Variants in TMPRSS4 observed in about 807,000 individuals in gnomAD.
TMPRSS4 encodes transmembrane serine protease 4, also known as transmembrane protease serine 4.
A neutral mutation model predicts 56.4 loss-of-function variants in TMPRSS4; 45 were observed. That is an observed-to-expected ratio of 0.80 (90% CI 0.63 to 1.02). The LOEUF (loss-of-function observed/expected upper bound fraction) is 1.02, where lower values mean the gene tolerates loss of function less well. Ranked by LOEUF, TMPRSS4 falls within the 50% of genes least tolerant of loss-of-function variation. The pLI, the probability that TMPRSS4 is intolerant of heterozygous loss-of-function variation, is 0.00. For missense variants in TMPRSS4, 546 were observed against 556.7 expected (o/e 0.98, Z 0.19); for synonymous variants, 205 against 211.0 (o/e 0.97, Z 0.25).
chr11:118,097,078 A>C (rs1349535594), intron 2 of TMPRSS4, among the ~76,000 whole-genome samples: 4 of 151,988 alleles, frequency 2.6e-5, no homozygotes, highest in African/African-American at 9.7e-5. Flanking sequence ...AGGTAGTAGA[A>C]GGGACGTACT....
intron 2 of TMPRSS4, among the ~76,000 whole-genome samples, chr11:118,097,083 C>T (rs9651685): frequency 0.92 from 127,056 of 137,470 alleles, 58,981 homozygotes; most frequent in South Asian, 0.94. Flanking sequence ...GTAGAAGGGA[C>T]GTACTTAAGA....
chr11:118,096,799 G>C (rs1431666786), intron 2 of TMPRSS4, among the ~76,000 whole-genome samples: 1 of 146,372 alleles, frequency 6.8e-6, no homozygotes, highest in Non-Finnish European at 1.5e-5. Flanking sequence ...AAGGGAGAGA[G>C]AGAGGAGAGA....
chr11:118,091,218 G>A (rs755644765), intron 1 of TMPRSS4, among the ~76,000 whole-genome samples: 1 of 152,118 alleles, frequency 6.6e-6, no homozygotes, highest in Non-Finnish European at 1.5e-5. Context: ...CACATTTGGC[G>A]TCTTTTTACC....
chr11:118,084,928 C>T (rs1002889093), intron 1 of TMPRSS4, among the ~76,000 whole-genome samples: 10 of 152,194 alleles, frequency 6.6e-5, no homozygotes, highest in Non-Finnish European at 1.5e-4. Flanking sequence ...GATCAAGGGA[C>T]AACCCCCTTC....
chr11:118,098,878 A>G (rs1439676648), intron 2 of TMPRSS4, 107 bp from the exon 3 acceptor site: 2 of 823,202 alleles, frequency 2.4e-6, no homozygotes, highest in African/African-American at 1.7e-5. Context: ...AACTGTGCTC[A>G]AGGCATACCT....
chr11:118,085,699 A>T (rs1945494273), intron 1 of TMPRSS4, among the ~76,000 whole-genome samples: 2 of 152,216 alleles, frequency 1.3e-5, no homozygotes, highest in Non-Finnish European at 2.9e-5. Flanking sequence ...CCCAATGGCA[A>T]ACCCATGAGG....
At chr11:118,114,428 T>C (rs959879170) in intron 9 of TMPRSS4, among the ~76,000 whole-genome samples, 1 of 152,152 alleles carries the variant, frequency 6.6e-6, no homozygotes, top group African/African-American at 2.4e-5. Flanking sequence ...GGGGAAGGCA[T>C]GGCCCAGAGC....
Position 118,096,379 on chromosome 11 carries a change from C to T in TMPRSS4, c.43+1524C>T, listed in dbSNP as rs190472533. ...TTCATTAATACTAGCATTCATTGGG[C>T]GCCAATCTCTAGCAGGATGCCATTC... is the stretch of plus-strand genomic sequence containing the variant. On this transcript the variant is annotated intron_variant, in intron 2 of 12. Transcript: ENST00000437212. Among the ~76,000 whole-genome samples, 9 of 152,282 alleles carry T rather than the reference C, an allele frequency of 5.9e-5. No individual in the cohort carries two copies. The East Asian group carries it at 9.6e-4, about 16-fold the overall frequency.
intron 3 of TMPRSS4, among the ~76,000 whole-genome samples, chr11:118,102,284 G>A (rs566701090): frequency 4.6e-5 from 7 of 152,274 alleles, no homozygotes; most frequent in Admixed American, 3.9e-4. Flanking sequence ...TGATAGTTAC[G>A]AGACATTTTC....
downstream of TMPRSS4, among the ~76,000 whole-genome samples, chr11:118,123,476 G>C (rs528055168): frequency 2.6e-5 from 4 of 152,282 alleles, no homozygotes; most frequent in East Asian, 7.7e-4. Flanking sequence ...TTCCACCACA[G>C]GACATTCCCA....
intron 8 of TMPRSS4, among the ~76,000 whole-genome samples, chr11:118,112,756 GC>G (rs1947342207): frequency 6.6e-6 from 1 of 150,568 alleles, no homozygotes. Flanking sequence ...CAGATGATGC[GC>G]CCAAGTTCAT....
In TMPRSS4 at chr11:118,119,357, T is replaced by C. The variant is rs150456917; in HGVS notation, c.*1444T>C. On this transcript the variant is annotated 3_prime_UTR_variant, in exon 13 of 13. Coordinates refer to ENST00000437212, the MANE Select transcript of TMPRSS4 (RefSeq NM_019894.4). ...AGTAAATGTGGTCTCAAATTGCAGATGGTCTGGAGGAAAATTTCCCAAATT... is the reference window on the plus strand; with the variant it reads ...AGTAAATGTGGTCTCAAATTGCAGACGGTCTGGAGGAAAATTTCCCAAATT... 3.1e-4 allele frequency: 308 copies of C among 985,382 alleles called. No individual in the cohort carries two copies. The African/African-American group carries it at 4.8e-3, about 15-fold the overall frequency. The allele number at this position is 985,382 out of a possible 1,614,324, so 61.0% of individuals were successfully genotyped here. A position where few individuals can be genotyped will look rare whatever the true frequency, so the allele number is the denominator to read the frequency against.
chr11:118,117,202 A>G (rs1947607606), intron 11 of TMPRSS4, 103 bp from the exon 12 acceptor site: 1 of 1,123,148 alleles, frequency 8.9e-7, no homozygotes, highest in Non-Finnish European at 1.3e-6. Flanking sequence ...GGAGAGCAGC[A>G]GGGAGTGCAG....
chr11:118,085,655 G>T (rs1750474674), intron 1 of TMPRSS4, among the ~76,000 whole-genome samples: 1 of 152,202 alleles, frequency 6.6e-6, no homozygotes, highest in Non-Finnish European at 1.5e-5. Context: ...AAGGTTGAGA[G>T]AACCCCTCTA....
In TMPRSS4 at chr11:118,115,185, A is replaced by G; in HGVS notation, c.1057A>G (p.Ser353Gly). 1 of 1,612,858 alleles carries G rather than the reference A, an allele frequency of 6.2e-7. No individual in the cohort carries two copies. Among genetic ancestry groups the G allele is most frequent in the South Asian group, 1.1e-5 (1 of 90,318 alleles). Residue 353 changes from serine to glycine, a missense_variant, in exon 11 of 13, where the codon AGC becomes GGC. Transcript: ENST00000437212. ...GCAGGCGTCAGTCCAGGTCATTGAC[A>G]GCACACGGTGCAATGCAGACGATGC... ...LLQASVQVIDSTRCNADDAYQ... is the reference protein window; with the variant it reads ...LLQASVQVIDGTRCNADDAYQ...
chr11:118,117,253 C>G, intron 11 of TMPRSS4, 52 bp from the exon 12 acceptor site: 1 of 1,591,086 alleles, frequency 6.3e-7, no homozygotes, highest in Non-Finnish European at 8.6e-7. Flanking sequence ...GAAGGAGAAG[C>G]CCCCCCACCT....
intron 3 of TMPRSS4, among the ~76,000 whole-genome samples, chr11:118,100,020 T>A (rs927777606): frequency 3.3e-5 from 5 of 151,516 alleles, no homozygotes; most frequent in African/African-American, 1.2e-4. Context: ...TGACCACAAC[T>A]TTTCACAGCA....
At chr11:118,111,469 C>T (rs1352610312) in intron 7 of TMPRSS4, among the ~76,000 whole-genome samples, 1 of 151,902 alleles carries the variant, frequency 6.6e-6, no homozygotes, top group African/African-American at 2.4e-5. Context: ...ACGGACACAC[C>T]CATGTTCATA....
chr11:118,094,404 T>C (rs1240986636), intron 1 of TMPRSS4, among the ~76,000 whole-genome samples: 2 of 152,246 alleles, frequency 1.3e-5, no homozygotes, highest in African/African-American at 2.4e-5. Context: ...ATATTAAGCA[T>C]TGTTTGGTAC....
Sources: allele counts gnomAD v4.1 joint callset (sites outside exome capture counted in the v4.1 genomes callset), GRCh38; gene constraint gnomAD v4.1.1; transcripts MANE v1.5; gene names NCBI Gene and HGNC (gene_info 2026-07-23, HGNC 2026-07-21).